Variants in RNLS observed in about 807,000 individuals in gnomAD.
RNLS encodes the protein renalase.
A neutral mutation model predicts 39.8 loss-of-function variants in RNLS; 39 were observed. The observed-to-expected ratio is 0.98, with a 90% confidence interval of 0.76 to 1.28. The LOEUF is 1.28. Among genes scored for constraint, RNLS ranks in the 50% most tolerant of loss-of-function variants. The pLI is 0.00. For synonymous variants in RNLS, 147 were observed against 150.7 expected (o/e 0.98, Z 0.18); for missense variants, 410 against 413.3 (o/e 0.99, Z 0.07).
intron 5 of RNLS, among the ~76,000 whole-genome samples, chr10:88,336,997 A>T (rs1847549636): frequency 6.6e-6 from 1 of 152,176 alleles, no homozygotes; most frequent in Admixed American, 6.5e-5. Flanking sequence ...CATTAGGCTG[A>T]CATAGGGGTG....
At chr10:88,535,559 T>C (rs1847704864) in intron 4 of RNLS, among the ~76,000 whole-genome samples, 1 of 151,832 alleles carries the variant, frequency 6.6e-6, no homozygotes, top group Admixed American at 6.6e-5. Flanking sequence ...GTAACAAACC[T>C]GCACATCCTG....
At chr10:88,173,993 A>AT in the RNLS span, among the ~76,000 whole-genome samples, 6,112 of 144,312 alleles carry the variant, frequency 0.042, 140 homozygotes, top group Middle Eastern at 0.08. Context: ...ATTCCTTGGT[A>AT]TTTTTTTTTT....
At chr10:88,230,762 T>C in the RNLS span, among the ~76,000 whole-genome samples, 1 of 152,238 alleles carries the variant, frequency 6.6e-6, no homozygotes, top group Non-Finnish European at 1.5e-5. Flanking sequence ...TATTGAGATG[T>C]TGTGTGTCAG....
At chr10:88,409,840 G>A (rs1210212898) in intron 4 of RNLS, among the ~76,000 whole-genome samples, 1 of 151,990 alleles carries the variant, frequency 6.6e-6, no homozygotes, top group East Asian at 1.9e-4. Context: ...TAGTAGCTCT[G>A]TGTTGCATAT....
chr10:88,498,231 C>T (rs1316511632), intron 4 of RNLS, among the ~76,000 whole-genome samples: 1 of 151,620 alleles, frequency 6.6e-6, no homozygotes, highest in Non-Finnish European at 1.5e-5. Flanking sequence ...TTATGTGTCT[C>T]CTTAACATAA....
intron 4 of RNLS, among the ~76,000 whole-genome samples, chr10:88,447,686 A>G (rs1331294176): frequency 6.6e-6 from 1 of 152,230 alleles, no homozygotes; most frequent in African/African-American, 2.4e-5. Context: ...ACCAAAAAAG[A>G]GCCCGCATTG....
chr10:88,524,247 C>T (rs1380455636), intron 4 of RNLS, among the ~76,000 whole-genome samples: 2 of 152,120 alleles, frequency 1.3e-5, no homozygotes, highest in African/African-American at 2.4e-5. Context: ...GAACCACTGG[C>T]GCCTTCCAAC....
At chr10:88,413,356 A>G (rs896086627) in intron 4 of RNLS, among the ~76,000 whole-genome samples, 21 of 152,206 alleles carry the variant, frequency 1.4e-4, no homozygotes, top group Non-Finnish European at 1.5e-5. Flanking sequence ...ACATGCATCC[A>G]TTCACTTATT....
chr10:88,324,591 T>A (rs911226385), intron 5 of RNLS, among the ~76,000 whole-genome samples: 1 of 151,666 alleles, frequency 6.6e-6, no homozygotes, highest in Non-Finnish European at 1.5e-5. Context: ...GGGGAGAGAG[T>A]TGAAAAATTC....
At chr10:88,579,366 A>C (rs924423762) in intron 3 of RNLS, among the ~76,000 whole-genome samples, 6 of 152,126 alleles carry the variant, frequency 3.9e-5, no homozygotes, top group African/African-American at 1.4e-4. Flanking sequence ...AGGCAGGGGA[A>C]AGCTAGAGTG....
At chr10:88,374,907 T>C (rs956406658) in intron 4 of RNLS, among the ~76,000 whole-genome samples, 4 of 152,170 alleles carry the variant, frequency 2.6e-5, no homozygotes, top group Non-Finnish European at 4.4e-5. Flanking sequence ...GTCCATCTGA[T>C]GGTTTACTCT....
intron 5 of RNLS, among the ~76,000 whole-genome samples, chr10:88,339,234 TA>T (rs1847754263): frequency 6.6e-6 from 1 of 152,218 alleles, no homozygotes; most frequent in Non-Finnish European, 1.5e-5. Flanking sequence ...TTTGGTGTTA[TA>T]ATCTCTTCTT....
chr10:88,522,048 TCTAATA>T (rs916879416), intron 4 of RNLS, among the ~76,000 whole-genome samples: 4 of 152,056 alleles, frequency 2.6e-5, no homozygotes, highest in African/African-American at 9.7e-5. Context: ...AGAACTCCAC[TCTAATA>T]CTATTTTTGA....
intron 5 of RNLS, among the ~76,000 whole-genome samples, chr10:88,341,971 C>T (rs1268803603): frequency 6.6e-6 from 1 of 152,142 alleles, no homozygotes; most frequent in Non-Finnish European, 1.5e-5. Flanking sequence ...TCCCTGAGTA[C>T]TCCCAGTCTA....
chr10:88,286,033 C>T (rs1403597896), intron 6 of RNLS, among the ~76,000 whole-genome samples: 1 of 152,076 alleles, frequency 6.6e-6, no homozygotes, highest in Admixed American at 6.6e-5. Flanking sequence ...CTGGATCTGC[C>T]AGTGCCTTGA....
chr10:88,441,873 C>A (rs1408264491), intron 4 of RNLS, among the ~76,000 whole-genome samples: 1 of 152,194 alleles, frequency 6.6e-6, no homozygotes, highest in African/African-American at 2.4e-5. Context: ...CTGAGGAGGG[C>A]AGCTCCTAGC....
intron 6 of RNLS, among the ~76,000 whole-genome samples, chr10:88,298,759 G>A (rs1253890905): frequency 6.6e-6 from 1 of 152,058 alleles, no homozygotes; most frequent in Admixed American, 6.6e-5. Context: ...AAAAGAGAAC[G>A]TGTGAGTCCT....
the RNLS span, among the ~76,000 whole-genome samples, chr10:88,228,220 C>T: frequency 6.6e-6 from 1 of 152,178 alleles, no homozygotes; most frequent in Non-Finnish European, 1.5e-5. Flanking sequence ...TCTTTTGCTG[C>T]TTTCCTAGTG....
intron 4 of RNLS, among the ~76,000 whole-genome samples, chr10:88,434,792 A>C (rs1005381693): frequency 2.0e-5 from 3 of 152,126 alleles, no homozygotes; most frequent in Non-Finnish European, 4.4e-5. Flanking sequence ...AAAGTTATTT[A>C]ATCTGTGAAA....
Sources: allele counts gnomAD v4.1 joint callset (sites outside exome capture counted in the v4.1 genomes callset), GRCh38; gene constraint gnomAD v4.1.1; transcripts MANE v1.5; gene names NCBI Gene and HGNC (gene_info 2026-07-23, HGNC 2026-07-21).